PCDHA5: variants seen among roughly 807,000 people sequenced by gnomAD.
PCDHA5 encodes protocadherin alpha-5.
Under a neutral mutation model 61.6 loss-of-function variants are expected in PCDHA5, and 43 were observed. That is an observed-to-expected ratio of 0.70 (90% CI 0.55 to 0.90). PCDHA5 has a LOEUF of 0.90. Ranked by LOEUF, PCDHA5 falls within the 40% of genes least tolerant of loss-of-function variation. The pLI is 0.00. For synonymous variants in PCDHA5, 627 were observed against 543.9 expected (o/e 1.15, Z -2.13); for missense variants, 1,298 against 1,222.7 (o/e 1.06, Z -0.92).
chr5:140,896,410 T>C (rs1554186951), intron 1 of PCDHA5, among the ~76,000 whole-genome samples: 1 of 152,154 alleles, frequency 6.6e-6, no homozygotes, highest in Non-Finnish European at 1.5e-5. Context: ...TTTTGACTTT[T>C]TAGTAATAGC....
chr5:140,884,499 C>T (rs782667822), intron 1 of PCDHA5: 1 of 1,614,062 alleles, frequency 6.2e-7, no homozygotes, highest in South Asian at 1.1e-5. Flanking sequence ...TGCTCCAGCG[C>T]GGCAGGGAGT....
rs2150463409 is a variant in PCDHA5 at position 140,850,016 on chromosome 5, C to G, written c.2352+25889C>G. On this transcript the variant is annotated intron_variant, in intron 1 of 3. Transcript: ENST00000529859. ...TGGGCGAGCGCTCGCTGTCGAGCTA[C>G]GTGTCAGTGCACGCGGAGAGCGGCA... The G allele has an allele frequency of 2.5e-5, 40 of 1,596,912 alleles. 3 individuals are homozygous for G. The South Asian group carries it at 4.1e-4, about 16-fold the overall frequency.
chr5:140,900,734 G>C (rs2068260899), intron 1 of PCDHA5, among the ~76,000 whole-genome samples: 1 of 152,200 alleles, frequency 6.6e-6, no homozygotes, highest in African/African-American at 2.4e-5. Flanking sequence ...CTAGCAGTGG[G>C]ATTTCTGGAT....
intron 3 of PCDHA5, among the ~76,000 whole-genome samples, chr5:140,999,615 A>G (rs535054544): frequency 5.3e-5 from 8 of 152,322 alleles, no homozygotes; most frequent in Admixed American, 3.3e-4. Flanking sequence ...GACCTTATCA[A>G]CCAGGAAACA....
In PCDHA5 at chr5:140,856,281, T is replaced by C. The variant is rs782635462; in HGVS notation, c.2352+32154T>C. On this transcript the variant is annotated intron_variant, in intron 1 of 3. Transcript: ENST00000529859. The stretch of plus-strand genomic sequence containing the variant: ...CACGGGGACCTTCTGGAGGTAAATC[T>C]GCAGAATGGCATTTTGTTTGTGAAT... 8.1e-6 allele frequency: 13 copies of C among 1,598,288 alleles called. 1 individual carries two copies. Among genetic ancestry groups the C allele is most frequent in the Non-Finnish European group, 1.1e-5 (13 of 1,168,008 alleles).
rs782448077 is a variant in PCDHA5 at position 140,870,373 on chromosome 5, G to T, written c.2352+46246G>T. 68 of 1,614,118 alleles carry T rather than the reference G, an allele frequency of 4.2e-5. No individual in the cohort carries two copies. In the Admixed American group the frequency reaches 5.3e-4, roughly 13 times the overall value. On this transcript the variant is annotated intron_variant, in intron 1 of 3. Coordinates refer to ENST00000529859, the MANE Select transcript of PCDHA5 (RefSeq NM_018908.3). The stretch of plus-strand genomic sequence containing the variant: ...GAACGTGTGGGCCTATGAACTGGTG[G>T]TGACTGCGCGGGATGGGGGTTCGCC...
Position 140,952,580 on chromosome 5 carries a change from A to G in PCDHA5, c.2353-26369A>G, listed in dbSNP as rs538999222. ...ATCAGCACTTCGGTCCCAATCATTCAAGTAGTCTCTAGGAAGTTCTAAGCT... is the reference window on the plus strand; with the variant it reads ...ATCAGCACTTCGGTCCCAATCATTCGAGTAGTCTCTAGGAAGTTCTAAGCT... On this transcript the variant is annotated intron_variant, in intron 1 of 3. Transcript: ENST00000529859. Among the ~76,000 whole-genome samples the G allele has an allele frequency of 2.0e-4, 30 of 152,248 alleles. No homozygotes were observed. In the South Asian group the frequency reaches 2.3e-3, roughly 12 times the overall value.
intron 1 of PCDHA5, chr5:140,875,198 G>A: frequency 7.2e-6 from 4 of 552,228 alleles, no homozygotes; most frequent in Non-Finnish European, 1.1e-5. Flanking sequence ...GACCCAGGAA[G>A]TGGCTAAACC....
chr5:140,850,863 T>C lies in PCDHA5; in HGVS notation c.2352+26736T>C, dbSNP rs2150500955. 38 of 1,592,804 alleles carry C rather than the reference T, an allele frequency of 2.4e-5. 2 individuals are homozygous for C. Among genetic ancestry groups the C allele is most frequent in the Non-Finnish European group, 3.2e-5 (37 of 1,163,928 alleles). On this transcript the variant is annotated intron_variant, in intron 1 of 3. Transcript: ENST00000529859. ...ATCTACAGAGCGAACGGGAGAACCC[T>C]CTGCTTCCTCAGATTCAACTGGGAA...
At chr5:140,829,903 C>G (rs782134190) in intron 1 of PCDHA5, 1 of 1,613,860 alleles carries the variant, frequency 6.2e-7, no homozygotes, top group Non-Finnish European at 8.5e-7. Flanking sequence ...CAGGCTACAA[C>G]GCGTGGCTTT....
chr5:140,892,262 T>G (rs1554185143), intron 1 of PCDHA5, among the ~76,000 whole-genome samples: 1 of 152,188 alleles, frequency 6.6e-6, no homozygotes, highest in African/African-American at 2.4e-5. Flanking sequence ...TTTGATTTTG[T>G]GCTGAAAGTT....
At chr5:140,934,930 C>G (rs1467115569) in intron 1 of PCDHA5, among the ~76,000 whole-genome samples, 2 of 152,102 alleles carry the variant, frequency 1.3e-5, no homozygotes, top group Non-Finnish European at 2.9e-5. Context: ...CATAAAGTTA[C>G]AAAACTAGTA....
chr5:140,871,966 C>G (rs1210672603), intron 1 of PCDHA5, among the ~76,000 whole-genome samples: 2 of 152,204 alleles, frequency 1.3e-5, no homozygotes, highest in African/African-American at 4.8e-5. Context: ...AGGAGGTCTT[C>G]CTATGATGTC....
intron 1 of PCDHA5, chr5:140,836,076 C>A (rs1387042597): frequency 5.6e-6 from 9 of 1,613,592 alleles, no homozygotes; most frequent in Non-Finnish European, 7.6e-6. Flanking sequence ...CGCGCCGGCA[C>A]TGCTGGCGCC....
rs375305711 is a variant in PCDHA5 at position 140,857,742 on chromosome 5, T to C, written c.2352+33615T>C. 63 of 1,597,390 alleles carry C rather than the reference T, an allele frequency of 3.9e-5. No homozygotes were observed. In the East Asian group the frequency reaches 5.1e-4, roughly 13 times the overall value. On this transcript the variant is annotated intron_variant, in intron 1 of 3. Coordinates refer to ENST00000529859, the MANE Select transcript of PCDHA5 (RefSeq NM_018908.3). Reference sequence around the variant, plus strand: ...GAGAACGACAACGCTCCCGCGCTGCTGGCGTCTCCCGCTGGCAGCGCGGGC... The same window carrying C: ...GAGAACGACAACGCTCCCGCGCTGCCGGCGTCTCCCGCTGGCAGCGCGGGC...
chr5:140,869,432 T>C (rs1562628312), intron 1 of PCDHA5: 3 of 1,614,192 alleles, frequency 1.9e-6, no homozygotes, highest in Non-Finnish European at 2.5e-6. Context: ...GAGGTGATCG[T>C]GGACAGGCCG....
chr5:140,941,202 C>CCTTCCTTTCTTTCTTTCTTTCTTT (rs1554213920), intron 1 of PCDHA5, among the ~76,000 whole-genome samples: 8 of 122,742 alleles, frequency 6.5e-5, no homozygotes, highest in Non-Finnish European at 1.1e-4. Flanking sequence ...TTTCTTTCTT[C>CCTTCCTTTCTTTCTTTCTTTCTTT]CTTTCTTTCT....
At chr5:140,858,107 C>T in intron 1 of PCDHA5, 1 of 1,597,636 alleles carries the variant, frequency 6.3e-7, no homozygotes, top group Non-Finnish European at 8.6e-7. Context: ...GGGCGTGGCG[C>T]CCGAGGTGGC....
chr5:140,923,339 A>C (rs1341190939), intron 1 of PCDHA5, among the ~76,000 whole-genome samples: 2 of 152,154 alleles, frequency 1.3e-5, no homozygotes, highest in Non-Finnish European at 2.9e-5. Context: ...CAGTTTGGGC[A>C]ACATAGTGGG....
Sources: allele counts gnomAD v4.1 joint callset (sites outside exome capture counted in the v4.1 genomes callset), GRCh38; gene constraint gnomAD v4.1.1; transcripts MANE v1.5; gene names NCBI Gene and HGNC (gene_info 2026-07-23, HGNC 2026-07-21).